Variants in ODR4 observed in about 807,000 individuals in gnomAD.
ODR4 encodes the protein protein odr-4 homolog.
In ODR4, 47 loss-of-function variants were observed where a neutral mutation model predicts 60.2. The ratio of observed to expected loss-of-function variants is 0.78; its 90% CI spans 0.62 to 1.00. The LOEUF is 1.00. Among genes scored for constraint, ODR4 ranks in the 50% least tolerant of loss-of-function variants. ODR4 has a pLI of 0.00. For missense variants in ODR4, 488 were observed against 530.8 expected (o/e 0.92, Z 0.79); for synonymous variants, 178 against 175.5 (o/e 1.01, Z -0.11).
Position 186,400,911 on chromosome 1 carries a change from C to T in ODR4, c.1000+1867C>T, listed in dbSNP as rs1660917898. ...TTCACATAGTCCATCAGTCTAGCAG[C>T]CCCATCTCAGTGTGGCTTTGTTTTT... On this transcript the variant is annotated intron_variant, in intron 11 of 13. Transcript: ENST00000287859. 3 of 745,680 alleles carry T rather than the reference C, an allele frequency of 4.0e-6. No individual in the cohort carries two copies. The South Asian group carries it at 4.5e-5, about 11-fold the overall frequency. The allele number at this position is 745,680 out of a possible 1,614,324, so 46.2% of individuals were successfully genotyped here. A position where few individuals can be genotyped will look rare whatever the true frequency, so the allele number is the denominator to read the frequency against.
intron 12 of ODR4, among the ~76,000 whole-genome samples, chr1:186,414,195 G>A (rs989829579): frequency 4.6e-5 from 7 of 152,060 alleles, no homozygotes; most frequent in East Asian, 1.9e-4. Context: ...ATTCTGCTTC[G>A]GTAAAATTAT....
At chr1:186,378,509 G>A (rs544915878) in intron 1 of ODR4, among the ~76,000 whole-genome samples, 1 of 152,276 alleles carries the variant, frequency 6.6e-6, no homozygotes, top group African/African-American at 2.4e-5. Context: ...AATCAAAGGA[G>A]CATAAGCCAA....
intron 8 of ODR4, among the ~76,000 whole-genome samples, chr1:186,392,286 A>G (rs962073532): frequency 9.9e-5 from 15 of 152,220 alleles, no homozygotes; most frequent in Admixed American, 2.6e-4. Context: ...ATTACTGGCT[A>G]TACCCTCAAA....
chr1:186,430,357 T>C, the ODR4 span, among the ~76,000 whole-genome samples: 1 of 152,084 alleles, frequency 6.6e-6, no homozygotes, highest in African/African-American at 2.4e-5. Flanking sequence ...AAAGGCTTGG[T>C]ATTTTAGAAA....
chr1:186,398,394 A>G lies in ODR4; in HGVS notation c.862A>G (p.Arg288Gly). 1 of 1,611,126 alleles carries G rather than the reference A, an allele frequency of 6.2e-7. No individual in the cohort carries two copies. Among genetic ancestry groups the G allele is most frequent in the Non-Finnish European group, 8.5e-7 (1 of 1,178,278 alleles). ...AAACCTTAAGGGTGCTGTGAAATGCAGAGCTTATATCCACAGCAGTAAACC... is the reference window on the plus strand; with the variant it reads ...AAACCTTAAGGGTGCTGTGAAATGCGGAGCTTATATCCACAGCAGTAAACC... ...SVNLKGAVKC[R>G]AYIHSSKPKV... Residue 288 changes from arginine to glycine, a missense_variant, in exon 10 of 14, where the codon AGA (arginine) becomes GGA (glycine). By Grantham distance (125) the Arg-to-Gly change is moderately radical (BLOSUM62 -2). Transcript: ENST00000287859.
chr1:186,401,063 A>G (rs745820304), intron 11 of ODR4: 49 of 1,596,668 alleles, frequency 3.1e-5, no homozygotes, highest in Non-Finnish European at 4.2e-5. Flanking sequence ...TGTATCCACC[A>G]TTATTGTTAA....
intron 3 of ODR4, among the ~76,000 whole-genome samples, chr1:186,385,547 T>C (rs1057388669): frequency 1.8e-4 from 28 of 151,726 alleles, no homozygotes; most frequent in African/African-American, 6.8e-4. Flanking sequence ...AAAAAGTCAG[T>C]TTCGGCCTAG....
chr1:186,389,529 A>G, intron 5 of ODR4, 59 bp from the exon 6 acceptor site: 1 of 1,305,900 alleles, frequency 7.7e-7, no homozygotes, highest in Non-Finnish European at 1.1e-6. Context: ...TTGATAGTTT[A>G]TATTCTTTTA....
chr1:186,383,140 C>T lies in ODR4; in HGVS notation c.218C>T (p.Thr73Ile). 2 of 1,550,220 alleles carry T rather than the reference C, an allele frequency of 1.3e-6. No homozygotes were observed. Among genetic ancestry groups the T allele is most frequent in the Non-Finnish European group, 1.7e-6 (2 of 1,147,044 alleles). Residue 73 changes from threonine (T) to isoleucine (I), a missense_variant, in exon 3 of 14, where the codon ACA becomes ATA. Coordinates refer to ENST00000287859, the MANE Select transcript of ODR4 (RefSeq NM_017847.6). ...GATAACTTGGATGAAGAATGGGCCA[C>T]AGAACATGCCTGCCAGGTTATCTTA... ...KLDNLDEEWA[T>I]EHACQVSRML...
At chr1:186,417,500 A>C in intron 12 of ODR4, 44 bp from the exon 13 acceptor site, 2 of 1,070,744 alleles carry the variant, frequency 1.9e-6, no homozygotes, top group South Asian at 1.4e-5. Context: ...TTCATGTGTT[A>C]ATCCTTATTT....
intron 3 of ODR4, among the ~76,000 whole-genome samples, chr1:186,384,773 T>C (rs1011606767): frequency 1.3e-5 from 2 of 152,212 alleles, no homozygotes; most frequent in Non-Finnish European, 2.9e-5. Context: ...ATGCTAAATA[T>C]GAAAACTTTA....
downstream of ODR4, chr1:186,421,487 G>A (rs1441063055): frequency 6.6e-6 from 1 of 152,094 alleles, no homozygotes; most frequent in Admixed American, 6.5e-5. Flanking sequence ...TCAGAAAACT[G>A]GTTAAGATAC....
intron 2 of ODR4, among the ~76,000 whole-genome samples, chr1:186,381,637 CTTCT>C (rs896328035): frequency 1.1e-4 from 16 of 152,176 alleles, no homozygotes; most frequent in African/African-American, 3.6e-4. Flanking sequence ...TAAGGCCTTC[CTTCT>C]ATCTCTTTTT....
chr1:186,434,488 A>T, the ODR4 span, among the ~76,000 whole-genome samples: 1 of 152,224 alleles, frequency 6.6e-6, no homozygotes, highest in Non-Finnish European at 1.5e-5. Context: ...CTCTGGTTTC[A>T]AATAGAAACT....
At chr1:186,399,205 G>T in intron 11 of ODR4, 161 bp downstream of exon 11, 13 of 598,468 alleles carry the variant, frequency 2.2e-5, no homozygotes, top group East Asian at 1.1e-4. Flanking sequence ...TTGCTACTCA[G>T]ATTTTTTTTT....
chr1:186,418,950 G>C, intron 13 of ODR4, 59 bp from the exon 14 acceptor site: 1 of 1,448,800 alleles, frequency 6.9e-7, no homozygotes. Flanking sequence ...CCTAGGATTA[G>C]TTTGGCCTTT....
chr1:186,413,801 C>T (rs1054156096), intron 12 of ODR4, among the ~76,000 whole-genome samples: 3 of 152,154 alleles, frequency 2.0e-5, no homozygotes, highest in Admixed American at 6.5e-5. Context: ...CTAAGGAGTT[C>T]AAGTCTTAAC....
At chr1:186,399,346 C>T in intron 11 of ODR4, 1 of 374,304 alleles carries the variant, frequency 2.7e-6, no homozygotes, top group Non-Finnish European at 5.0e-6. Flanking sequence ...GGTGGGCCTG[C>T]AGGCACATGC....
chr1:186,398,949 T>G lies in ODR4; in HGVS notation c.910-5T>G. On this transcript the variant is annotated splice_polypyrimidine_tract_variant and splice_region_variant and intron_variant, in intron 10 of 13. Transcript: ENST00000287859. The stretch of plus-strand genomic sequence containing the variant: ...ACTGTGTTTTTTGTGTGTTTTTCCC[T>G]GTAGGCAGTAAAGAGGGATATATTG... 6.3e-7 allele frequency: 1 copy of G among 1,597,020 alleles called. No individual in the cohort carries two copies. The highest frequency in any genetic ancestry group is 8.5e-7 in the Non-Finnish European group (1 of 1,170,204).
Sources: allele counts gnomAD v4.1 joint callset (sites outside exome capture counted in the v4.1 genomes callset), GRCh38; gene constraint gnomAD v4.1.1; transcripts MANE v1.5; gene names NCBI Gene and HGNC (gene_info 2026-07-23, HGNC 2026-07-21).